Variants in PACS2 observed in about 807,000 individuals in gnomAD.
The protein encoded by PACS2 is PACS1-like protein.
Under a neutral mutation model 113.0 loss-of-function variants are expected in PACS2, and 36 were observed. The ratio of observed to expected loss-of-function variants is 0.32; its 90% CI spans 0.24 to 0.42. The LOEUF (loss-of-function observed/expected upper bound fraction) is 0.42. Among genes scored for constraint, PACS2 ranks in the 10% least tolerant of loss-of-function variants. The pLI is 1.00. For synonymous variants in PACS2, 589 were observed against 536.1 expected, an observed-to-expected ratio of 1.10 and a Z score of -1.36; for missense variants, 1,015 against 1,239.5, an observed-to-expected ratio of 0.82 and a Z score of 2.72.
rs782707502 is a variant in PACS2, at chr14:105,383,246, C to T, written c.1626-113C>T. ...TTGGGCAGCTCCAGGGCAGTTGTGG[C>T]ATGAGCGGCCACAGGCACGGAGCCC... On this transcript the variant is annotated intron_variant, in intron 15 of 24. Transcript: ENST00000447393. 12 of 1,241,390 alleles carry T rather than the reference C, an allele frequency of 9.7e-6. No homozygotes were observed. The African/African-American group carries it at 1.6e-4, about 17-fold the overall frequency. The allele number at this position is 1,241,390 out of a possible 1,614,324, so 76.9% of individuals were successfully genotyped here. A position where few individuals can be genotyped will look rare whatever the true frequency, so the allele number is the denominator to read the frequency against.
intron 8 of PACS2, among the ~76,000 whole-genome samples, chr14:105,375,818 T>C (rs1344079273): frequency 2.0e-5 from 3 of 152,156 alleles, no homozygotes; most frequent in Non-Finnish European, 2.9e-5. Flanking sequence ...CACTCAGACG[T>C]TCACAGCAGC....
At chr14:105,322,031 G>A (rs774111733) in intron 1 of PACS2, among the ~76,000 whole-genome samples, 19 of 149,482 alleles carry the variant, frequency 1.3e-4, no homozygotes, top group Non-Finnish European at 2.7e-4. Flanking sequence ...CTCTCCTCCC[G>A]GGTTCAAGCG....
In PACS2 at chr14:105,384,474, GGC is replaced by G. The variant is rs1339430845; in HGVS notation, c.1891+15_1891+16del. 6.3e-7 allele frequency: 1 copy of G among 1,577,194 alleles called. No homozygotes were observed. The highest frequency in any genetic ancestry group is 1.3e-5 in the African/African-American group (1 of 74,238). On this transcript the variant is annotated intron_variant, in intron 17 of 24. Coordinates refer to ENST00000447393, the MANE Select transcript of PACS2 (RefSeq NM_001100913.3). ...AGGCCCAGAGTGCGGGTGAGGCCCG[GGC>G]GCGTCCACAGCCCACGCCACGGCGG... is the stretch of plus-strand genomic sequence containing the variant.
At chr14:105,375,481 C>CAAAAAAAAAAAAAAAAAAAAAAAAAA (rs34549878) in intron 8 of PACS2, among the ~76,000 whole-genome samples, 1 of 51,410 alleles carries the variant, frequency 1.9e-5, no homozygotes, top group Non-Finnish European at 4.6e-5. Context: ...GACTCCATCT[C>CAAAAAAAAAAAAAAAAAAAAAAAAAA]AAAAAAAAAA....
At position 105,309,001 on chromosome 14, in the gene PACS2, ACAAACAAAAC is replaced by A. The variant is rs2058272268; in HGVS notation, c.-83+8024_-83+8033del. Among the ~76,000 whole-genome samples, 2 of 152,192 alleles carry A rather than the reference ACAAACAAAAC, an allele frequency of 1.3e-5. No individual in the cohort carries two copies. The highest frequency in any genetic ancestry group is 4.8e-5 in the African/African-American group (2 of 41,530). ...AAACAAAAGAAAAAAAAAGAAAAAG[ACAAACAAAAC>A]CTAACAAAACCAGAAATCCATCCTG... is the stretch of plus-strand genomic sequence containing the variant. On this transcript the variant is annotated intron_variant, in intron 1 of 23. Coordinates refer to the PACS2 transcript ENST00000430725. The surrounding 1 kb of genome is among the most constrained non-coding windows in gnomAD (Gnocchi z 4.0).
At chr14:105,385,826 G>C (rs2081158558) in intron 19 of PACS2, 109 bp downstream of exon 19, 6 of 636,012 alleles carry the variant, frequency 9.4e-6, no homozygotes, top group Non-Finnish European at 1.2e-5. Context: ...CTCCGGACTG[G>C]GAGTCAGGCC....
intron 16 of PACS2, 112 bp downstream of exon 16, chr14:105,383,625 T>A: frequency 1.0e-6 from 1 of 982,160 alleles, no homozygotes; most frequent in Non-Finnish European, 1.5e-6. Flanking sequence ...CGTGGCGCGG[T>A]GTGTCGTGGT....
intron 8 of PACS2, chr14:105,371,882 C>A (rs782676164): frequency 1.3e-5 from 2 of 152,248 alleles, no homozygotes; most frequent in South Asian, 2.1e-4. Context: ...CTTGAGGGCC[C>A]GTTTCCCATA....
At position 105,383,361 on chromosome 14, in the gene PACS2, G is replaced by A; in HGVS notation, c.1628G>A (p.Cys543Tyr). ...TCCCACCTGCCTCTGGATTGCAGCT[G>A]CAACTGCAATTCCCAGCCCCCGACC... The part of the protein sequence containing the change: ...STIVSRIQRY[C>Y]NCNSQPPTPV... Residue 543 changes from cysteine to tyrosine, a missense_variant and splice_region_variant, in exon 16 of 25, where the codon TGC becomes TAC. By Grantham distance (194) the Cys-to-Tyr change is radical (BLOSUM62 -2). This residue lies in a region of PACS2 where 859 missense variants were observed against 1,056.8 expected (regional missense o/e 0.81). Coordinates refer to ENST00000447393, the MANE Select transcript of PACS2 (RefSeq NM_001100913.3). The A allele has an allele frequency of 6.2e-7, 1 of 1,606,802 alleles. No individual in the cohort carries two copies. Among genetic ancestry groups the A allele is most frequent in the Non-Finnish European group, 8.5e-7 (1 of 1,179,914 alleles).
intron 2 of PACS2, 53 bp from the exon 3 acceptor site, chr14:105,352,325 T>G (rs1400407812): frequency 5.0e-6 from 6 of 1,193,640 alleles, no homozygotes; most frequent in African/African-American, 1.5e-5. Flanking sequence ...CTTTGCCTGG[T>G]TTCCTGCTGA....
In PACS2 at chr14:105,358,201, T is replaced by C. The variant is rs2060529493; in HGVS notation, c.423+3024T>C. On this transcript the variant is annotated intron_variant, in intron 4 of 24. Transcript: ENST00000447393. The surrounding 1 kb of genome is among the most constrained non-coding windows in gnomAD (Gnocchi z 4.9). ...GAGGCTGAGGAAGTGGAGTCCAAGGTGGCCCAGGGTAGGGGCCGGGCCTCA... is the reference window on the plus strand; with the variant it reads ...GAGGCTGAGGAAGTGGAGTCCAAGGCGGCCCAGGGTAGGGGCCGGGCCTCA... 6.6e-6 allele frequency among the ~76,000 whole-genome samples: 1 copy of C among 152,136 alleles called. No individual in the cohort carries two copies. Among genetic ancestry groups the C allele is most frequent in the African/African-American group, 2.4e-5 (1 of 41,432 alleles).
Position 105,323,427 on chromosome 14 carries a change from C to A in PACS2, c.119+8390C>A, listed in dbSNP as rs2058972265. Among the ~76,000 whole-genome samples the A allele has an allele frequency of 1.3e-5, 2 of 152,212 alleles. No individual in the cohort carries two copies. The highest frequency in any genetic ancestry group is 4.8e-5 in the African/African-American group (2 of 41,456). ...GTCTCCTCAGGACGCATGTTGCCTACTGACCGCTGCCAGCCTGCACGAGAC... is the reference window on the plus strand; with the variant it reads ...GTCTCCTCAGGACGCATGTTGCCTAATGACCGCTGCCAGCCTGCACGAGAC... On this transcript the variant is annotated intron_variant, in intron 1 of 24. Coordinates refer to ENST00000447393, the MANE Select transcript of PACS2 (RefSeq NM_001100913.3). This position sits in a 1 kb window ranked among gnomAD's most constrained non-coding sequence, Gnocchi z 4.1.
chr14:105,335,059 G>A (rs1237837204), intron 1 of PACS2, among the ~76,000 whole-genome samples: 1 of 152,250 alleles, frequency 6.6e-6, no homozygotes, highest in East Asian at 1.9e-4. Context: ...CAGAAGTACA[G>A]GCCCAGCAGG....
chr14:105,336,102 G>A (rs917773201), intron 1 of PACS2, among the ~76,000 whole-genome samples: 7 of 152,322 alleles, frequency 4.6e-5, no homozygotes, highest in Non-Finnish European at 8.8e-5. Context: ...GGGCAGGCTC[G>A]CGACCGCACC....
intron 1 of PACS2, among the ~76,000 whole-genome samples, chr14:105,326,768 G>A (rs1379529812): frequency 1.3e-5 from 2 of 152,162 alleles, no homozygotes; most frequent in East Asian, 1.9e-4. Context: ...TGGCCTGAGC[G>A]TGCTTTCTGC....
intron 1 of PACS2, among the ~76,000 whole-genome samples, chr14:105,332,048 G>A (rs973757123): frequency 6.6e-6 from 1 of 152,200 alleles, no homozygotes; most frequent in Non-Finnish European, 1.5e-5. Flanking sequence ...TGCTTTTAGC[G>A]TTTTTATTTT....
At position 105,314,898 on chromosome 14, in the gene PACS2, G is replaced by T; in HGVS notation, c.-21G>T. On this transcript the variant is annotated 5_prime_UTR_variant, in exon 1 of 25. It adds an upstream start codon to the 5' untranslated region. Transcript: ENST00000447393. ...CCCGGCCGCAGCCCCAGGCCGCCGA[G>T]GGAGCGGCGGGGCCGGCGCCATGGC... is the stretch of plus-strand genomic sequence containing the variant. 1.0e-6 allele frequency: 1 copy of T among 978,868 alleles called. No individual in the cohort carries two copies. The highest frequency in any genetic ancestry group is 4.6e-5 in the South Asian group (1 of 21,938). 60.6% of individuals were successfully genotyped at this position (978,868 alleles called of 1,614,324 possible). A position where few individuals can be genotyped will look rare whatever the true frequency, so the allele number is the denominator to read the frequency against.
Position 105,323,077 on chromosome 14 carries a change from G to C in PACS2, c.119+8040G>C, listed in dbSNP as rs925422179. Among the ~76,000 whole-genome samples the C allele has an allele frequency of 3.9e-5, 6 of 152,168 alleles. No homozygotes were observed. The highest frequency in any genetic ancestry group is 1.4e-4 in the African/African-American group (6 of 41,428). On this transcript the variant is annotated intron_variant, in intron 1 of 24. Transcript: ENST00000447393. This position sits in a 1 kb window ranked among gnomAD's most constrained non-coding sequence, Gnocchi z 4.1. ...GAGGGAGACGTCTGGGTGGCTTTGT[G>C]GTCATGTCATCGTTGCCAACGGTCG...
intron 1 of PACS2, among the ~76,000 whole-genome samples, chr14:105,342,442 A>G (rs1466132325): frequency 6.6e-6 from 1 of 151,400 alleles, no homozygotes; most frequent in Non-Finnish European, 1.5e-5. Flanking sequence ...TAATTTTTGT[A>G]TTTTTTTGTA....
Sources: gnomAD v4.1 joint callset for allele counts (sites outside exome capture counted in the v4.1 genomes callset) on GRCh38, gnomAD v4.1.1 for gene constraint, gnomAD v4.1.1 regional missense constraint, Gnocchi (gnomAD v3.1) non-coding constraint, MANE v1.5 for transcripts, NCBI Gene and HGNC (gene_info 2026-07-23, HGNC 2026-07-21) for gene names.